AGO4: variants seen among roughly 807,000 people sequenced by gnomAD.
AGO4 encodes protein argonaute-4.
A neutral mutation model predicts 104.7 loss-of-function variants in AGO4; 33 were observed. The observed-to-expected ratio is 0.32, with a 90% CI of 0.24 to 0.42. The LOEUF (loss-of-function observed/expected upper bound fraction) is 0.42, where lower values mean the gene tolerates loss of function less well. Among genes scored for constraint, AGO4 ranks in the 10% least tolerant of loss-of-function variants. AGO4 has a pLI of 1.00. For missense variants in AGO4, 711 were observed against 1,083.4 expected (o/e 0.66, Z 4.83); for synonymous variants, 331 against 364.7 (o/e 0.91, Z 1.05).
intron 17 of AGO4, 52 bp from the exon 18 acceptor site, chr1:35,853,445 T>A (rs1265368679): frequency 6.5e-7 from 1 of 1,537,250 alleles, no homozygotes; most frequent in African/African-American, 1.4e-5. Context: ...TTGTTTTTGG[T>A]TTTTTGTTTG....
In AGO4 at chr1:35,857,111, C is replaced by A. The variant is rs1028577999; in HGVS notation, c.*3506C>A. The A allele has an allele frequency of 2.0e-5, 3 of 152,214 alleles. No individual in the cohort carries two copies. The highest frequency in any genetic ancestry group is 4.4e-5 in the Non-Finnish European group (3 of 68,038). 9.4% of individuals were successfully genotyped at this position (152,214 alleles called of 1,614,324 possible). ...AGAGCTTGCCTACCTGGCAAAGCTG[C>A]CTACCCTTCAAGTGGGAAAATATAA... On this transcript the variant is annotated 3_prime_UTR_variant, in exon 18 of 18. Transcript: ENST00000373210.
In AGO4 at chr1:35,853,886, G is replaced by A. The variant is rs764534975; in HGVS notation, c.*281G>A. 7.2e-4 allele frequency: 179 copies of A among 247,876 alleles called. No individual in the cohort carries two copies. Among genetic ancestry groups the A allele is most frequent in the Non-Finnish European group, 2.7e-4 (35 of 128,558 alleles). 15.4% of individuals were successfully genotyped at this position (247,876 alleles called of 1,614,324 possible). Reference sequence around the variant, plus strand: ...GGCTGATCAGCCTGAACTTTCTAAAGGACTTTACAAGAAGGGTTTCTATGG... The same window carrying A: ...GGCTGATCAGCCTGAACTTTCTAAAAGACTTTACAAGAAGGGTTTCTATGG... On this transcript the variant is annotated 3_prime_UTR_variant, in exon 18 of 18. Transcript: ENST00000373210.
chr1:35,839,497 C>A (rs1644388477), intron 13 of AGO4, among the ~76,000 whole-genome samples: 1 of 152,090 alleles, frequency 6.6e-6, no homozygotes, highest in African/African-American at 2.4e-5. Context: ...CCTCTTATGT[C>A]TTATTTTTTA....
At chr1:35,833,357 GA>G (rs1317778151) in intron 11 of AGO4, among the ~76,000 whole-genome samples, 2 of 151,978 alleles carry the variant, frequency 1.3e-5, no homozygotes, top group Non-Finnish European at 2.9e-5. Context: ...TGAAAGAAAG[GA>G]ATTCTACAAA....
intron 4 of AGO4, 87 bp downstream of exon 4, chr1:35,825,581 G>A (rs1167347536): frequency 7.1e-6 from 11 of 1,542,802 alleles, no homozygotes; most frequent in Non-Finnish European, 9.6e-6. Context: ...TTCTGCATAA[G>A]TCATTGTTCA....
chr1:35,812,363 G>A (rs1319399870), intron 1 of AGO4, among the ~76,000 whole-genome samples: 2 of 151,994 alleles, frequency 1.3e-5, no homozygotes, highest in Non-Finnish European at 2.9e-5. Flanking sequence ...CTTCTTAATC[G>A]TTTTTCTTTC....
Position 35,841,474 on chromosome 1 carries a change from G to A in AGO4, c.2034G>A (p.Met678Ile), listed in dbSNP as rs1425460599. ...GTGGAGGGGTATCTGAGGGACAAAT[G>A]AAACAGGTACTCTCATTATCCCTGT... Reference protein sequence around the residue: ...YYRGGVSEGQMKQVAWPELIA... With the variant: ...YYRGGVSEGQIKQVAWPELIA... The change falls in exon 14 of 18, where the codon ATG (methionine) becomes ATA (isoleucine). Residue 678 changes from methionine to isoleucine, a missense_variant. By Grantham distance (10) the Met-to-Ile change is conservative (BLOSUM62 1). Around this residue, in one of 3 missense-constraint regions of AGO4, gnomAD observed 401 missense variants for 665.5 expected, o/e 0.60. Coordinates refer to ENST00000373210, the MANE Select transcript of AGO4 (RefSeq NM_017629.4). This position sits in a 1 kb window ranked among gnomAD's most constrained non-coding sequence, Gnocchi z 4.7. 5.0e-6 allele frequency: 8 copies of A among 1,612,338 alleles called. No homozygotes were observed. Among genetic ancestry groups the A allele is most frequent in the Non-Finnish European group, 5.1e-6 (6 of 1,178,432 alleles).
chr1:35,833,372 T>C (rs904585280), intron 11 of AGO4, among the ~76,000 whole-genome samples: 2 of 152,166 alleles, frequency 1.3e-5, no homozygotes, highest in Admixed American at 6.6e-5. Flanking sequence ...CTACAAAATA[T>C]TGGCAAATGC....
rs1467458899 is a variant in AGO4, at chr1:35,808,557, C to T, written c.19+122C>T. On this transcript the variant is annotated intron_variant, in intron 1 of 17. Coordinates refer to ENST00000373210, the MANE Select transcript of AGO4 (RefSeq NM_017629.4). This position sits in a 1 kb window ranked among gnomAD's most constrained non-coding sequence, Gnocchi z 5.2. ...CCGCCAGGCCTCGGGGAAGGGGACCCGAGCCCCGCAGCACGAAGCGGAGGG... is the reference window on the plus strand; with the variant it reads ...CCGCCAGGCCTCGGGGAAGGGGACCTGAGCCCCGCAGCACGAAGCGGAGGG... 1 of 904,326 alleles carries T rather than the reference C, an allele frequency of 1.1e-6. No individual in the cohort carries two copies. Among genetic ancestry groups the T allele is most frequent in the Non-Finnish European group, 1.4e-6 (1 of 725,872 alleles). The allele number at this position is 904,326 out of a possible 1,614,324, so 56.0% of individuals were successfully genotyped here. A position where few individuals can be genotyped will look rare whatever the true frequency, so the allele number is the denominator to read the frequency against.
intron 1 of AGO4, 68 bp from the exon 2 acceptor site, chr1:35,816,814 A>G (rs75279672): frequency 2.9e-5 from 41 of 1,420,450 alleles, no homozygotes; most frequent in Middle Eastern, 1.9e-4. Flanking sequence ...AAAAAAAAAA[A>G]AAAAAAAGAA....
intron 7 of AGO4, among the ~76,000 whole-genome samples, chr1:35,830,911 G>A (rs1033910270): frequency 6.6e-6 from 1 of 150,518 alleles, no homozygotes; most frequent in Admixed American, 6.6e-5. Context: ...GATGGAGATT[G>A]CAGTGAACCA....
intron 1 of AGO4, among the ~76,000 whole-genome samples, chr1:35,811,471 A>G (rs1024335922): frequency 7.8e-6 from 1 of 129,020 alleles, no homozygotes; most frequent in Non-Finnish European, 1.6e-5. Flanking sequence ...AAAAAAAAAC[A>G]AAAAAAAAAA....
In AGO4 at chr1:35,832,482, G is replaced by A. The variant is rs1377674725; in HGVS notation, c.1291G>A (p.Gly431Arg). The A allele has an allele frequency of 6.2e-7, 1 of 1,612,928 alleles. No individual in the cohort carries two copies. The highest frequency in any genetic ancestry group is 2.2e-5 in the East Asian group (1 of 44,856). ...TPNQGVWDMR[G>R]KQFYAGIEIK... is the part of the protein sequence containing the mutation. ...CAACCAGGGTGTCTGGGACATGCGAGGAAAGCAGTTTTATGCTGGCATTGA... is the reference window on the plus strand; with the variant it reads ...CAACCAGGGTGTCTGGGACATGCGAAGAAAGCAGTTTTATGCTGGCATTGA... The change falls in exon 11 of 18, where the codon GGA (glycine) becomes AGA (arginine). Residue 431 changes from glycine to arginine, a missense_variant. Physicochemically the swap from Gly to Arg is moderately radical, Grantham distance 125. This residue lies in a region of AGO4 where 401 missense variants were observed against 665.5 expected (regional missense o/e 0.60). Transcript: ENST00000373210.
Position 35,808,352 on chromosome 1 carries a change from C to A in AGO4, c.-65C>A. 1.0e-6 allele frequency: 1 copy of A among 961,494 alleles called. No homozygotes were observed. Among genetic ancestry groups the A allele is most frequent in the Non-Finnish European group, 1.2e-6 (1 of 803,090 alleles). 59.6% of individuals were successfully genotyped at this position (961,494 alleles called of 1,614,324 possible). On this transcript the variant is annotated 5_prime_UTR_variant, in exon 1 of 18. Coordinates refer to ENST00000373210, the MANE Select transcript of AGO4 (RefSeq NM_017629.4). This position sits in a 1 kb window ranked among gnomAD's most constrained non-coding sequence, Gnocchi z 5.2. ...ATCAAGCGTTACGCGGCGGCGGCGG[C>A]GGCGGCGGCGGGGCCCGGAGCGGGA...
At position 35,841,378 on chromosome 1, in the gene AGO4, C is replaced by T. The variant is rs199855288; in HGVS notation, c.1938C>T (p.Asn646=). The change falls in exon 14 of 18, where the codon AAC becomes AAT. Residue 646 remains asparagine (N), a synonymous_variant. Transcript: ENST00000373210. The surrounding 1 kb of genome is among the most constrained non-coding windows in gnomAD (Gnocchi z 4.7). Reference sequence around the variant, plus strand: ...AAGAGGTCATCCAGGACCTGACTAACATGGTTCGAGAGCTGCTGATTCAGT... The same window carrying T: ...AAGAGGTCATCCAGGACCTGACTAATATGGTTCGAGAGCTGCTGATTCAGT... The part of the protein sequence containing the change: ...YSQEVIQDLT[N]MVRELLIQFY... 9 of 1,614,206 alleles carry T rather than the reference C, an allele frequency of 5.6e-6. No homozygotes were observed. The highest frequency in any genetic ancestry group is 6.8e-6 in the Non-Finnish European group (8 of 1,180,028).
chr1:35,855,514 T>C lies in AGO4; in HGVS notation c.*1909T>C, dbSNP rs1644798592. 6.6e-6 allele frequency: 1 copy of C among 152,620 alleles called. No homozygotes were observed. The allele number at this position is 152,620 out of a possible 1,614,324, so 9.5% of individuals were successfully genotyped here. A position where few individuals can be genotyped will look rare whatever the true frequency, so the allele number is the denominator to read the frequency against. On this transcript the variant is annotated 3_prime_UTR_variant, in exon 18 of 18. Coordinates refer to ENST00000373210, the MANE Select transcript of AGO4 (RefSeq NM_017629.4). ...GGTCTCTGAGAGAGTTTTATGTCGA[T>C]CGAGGCCTGTTGCTCATTAAGCTGA...
intron 12 of AGO4, 62 bp from the exon 13 acceptor site, chr1:35,835,772 T>C: frequency 1.4e-6 from 2 of 1,419,402 alleles, no homozygotes; most frequent in South Asian, 2.8e-5. Flanking sequence ...GTTTTTTTCC[T>C]TCTGCTTTTA....
At chr1:35,814,455 CT>C (rs1643623664) in intron 1 of AGO4, among the ~76,000 whole-genome samples, 1 of 146,748 alleles carries the variant, frequency 6.8e-6, no homozygotes, top group East Asian at 2.1e-4. Context: ...TCCCTCCCCC[CT>C]CCCCCTACCC....
intron 1 of AGO4, among the ~76,000 whole-genome samples, chr1:35,809,892 C>A (rs772299760): frequency 6.6e-6 from 1 of 152,184 alleles, no homozygotes; most frequent in Non-Finnish European, 1.5e-5. Flanking sequence ...TGTTTCTTCC[C>A]TCCCCCTAGT....
Sources: gnomAD v4.1 joint callset for allele counts (sites outside exome capture counted in the v4.1 genomes callset) on GRCh38, gnomAD v4.1.1 for gene constraint, gnomAD v4.1.1 regional missense constraint, Gnocchi (gnomAD v3.1) non-coding constraint, MANE v1.5 for transcripts, NCBI Gene and HGNC (gene_info 2026-07-23, HGNC 2026-07-21) for gene names.